The following VPS13C variants were observed in gnomAD, a reference collection of about 807,000 sequenced individuals.
VPS13C encodes vacuolar protein sorting 13 homolog C.
A neutral mutation model predicts 456.8 loss-of-function variants in VPS13C; 358 were observed. The ratio of observed to expected loss-of-function variants is 0.78; its 90% CI spans 0.72 to 0.86. The LOEUF (loss-of-function observed/expected upper bound fraction) is 0.86. Among genes scored for constraint, VPS13C ranks in the 40% least tolerant of loss-of-function variants. The probability of loss-of-function intolerance (pLI) is 0.00; values close to 1 mark genes in which losing one functional copy is unlikely to be tolerated. For synonymous variants in VPS13C, 1,578 were observed against 1,486.7 expected, an observed-to-expected ratio of 1.06 and a Z score of -1.41; for missense variants, 4,818 against 4,385.4, an observed-to-expected ratio of 1.10 and a Z score of -2.79.
chr15:61,917,595 G>T lies in VPS13C; in HGVS notation c.7801C>A (p.Gln2601Lys), dbSNP rs1235223080. 1.2e-6 allele frequency: 2 copies of T among 1,612,816 alleles called. No individual in the cohort carries two copies. Among genetic ancestry groups the T allele is most frequent in the African/African-American group, 2.7e-5 (2 of 74,900 alleles). The change falls in exon 60 of 85, where the codon CAG becomes AAG. Residue 2601 changes from glutamine to lysine, a missense_variant. Gln to Lys is a moderately conservative substitution (Grantham distance 53). Transcript: ENST00000644861. ...ATATAAGTGGTAGATTCTTTGTACT[G>T]ATGCTCTAAGATTCCAGCTGGCTGG... ...FIQPAGILEH[Q>K]YKESTTYISW...
In VPS13C at chr15:61,983,905, A is replaced by G. The variant is rs1346177179; in HGVS notation, c.1829T>C (p.Ile610Thr). The G allele has an allele frequency of 6.2e-7, 1 of 1,614,010 alleles. No homozygotes were observed. The highest frequency in any genetic ancestry group is 1.3e-5 in the African/African-American group (1 of 74,926). The change falls in exon 20 of 85, where the codon ATT becomes ACT. Residue 610 changes from isoleucine (I) to threonine (T), a missense_variant. Ile to Thr is a moderately conservative substitution (Grantham distance 89, BLOSUM62 -1). Coordinates refer to ENST00000644861, the MANE Select transcript of VPS13C (RefSeq NM_020821.3). ...IGDTTSSLLK[I>T]KFETNPEDSP... Reference sequence around the variant, plus strand: ...ATCCTCCGGATTGGTTTCAAATTTAATTTTAAGCAAGGATGATGTAGTGTC... The same window carrying G: ...ATCCTCCGGATTGGTTTCAAATTTAGTTTTAAGCAAGGATGATGTAGTGTC...
chr15:61,907,917 G>C (rs2043195554), intron 65 of VPS13C, among the ~76,000 whole-genome samples: 2 of 152,136 alleles, frequency 1.3e-5, no homozygotes, highest in South Asian at 4.1e-4. Context: ...ACTGTGACCA[G>C]CTAAGCTTTT....
chr15:61,985,814 T>G (rs534448326), intron 18 of VPS13C, among the ~76,000 whole-genome samples: 4 of 152,020 alleles, frequency 2.6e-5, no homozygotes, highest in Admixed American at 6.5e-5. Context: ...ATCCTGGAAT[T>G]TGGGGACCTG....
chr15:61,872,670 G>A (rs957420440), intron 78 of VPS13C, among the ~76,000 whole-genome samples: 1 of 152,040 alleles, frequency 6.6e-6, no homozygotes, highest in African/African-American at 2.4e-5. Flanking sequence ...CACACAGAAA[G>A]AGAACTGATG....
rs1352310332 is a variant in VPS13C at position 61,878,792 on chromosome 15, A to T, written c.10003-46T>A. On this transcript the variant is annotated intron_variant, in intron 73 of 84. Transcript: ENST00000644861. ...AATAAATGAAAGCTAAAAGTGAAAA[A>T]TTTACATATTTAGGATCCAGGTAGT... 6 of 1,547,266 alleles carry T rather than the reference A, an allele frequency of 3.9e-6. No individual in the cohort carries two copies. In the African/African-American group the frequency reaches 5.5e-5, roughly 14 times the overall value.
Position 62,010,570 on chromosome 15 carries a change from G to A in VPS13C, c.913C>T (p.Leu305Phe). 1 of 1,612,552 alleles carries A rather than the reference G, an allele frequency of 6.2e-7. No homozygotes were observed. Among genetic ancestry groups the A allele is most frequent in the Non-Finnish European group, 8.5e-7 (1 of 1,179,434 alleles). The change falls in exon 13 of 85, where the codon CTC becomes TTC. Residue 305 changes from leucine (L) to phenylalanine (F), a missense_variant. By Grantham distance (22) the Leu-to-Phe change is conservative (BLOSUM62 0). Transcript: ENST00000644861. Reference sequence around the variant, plus strand: ...GATTCTGCATAAGGATTCATGTAGAGTTTTGCAGAGGCTGATATTGGCTGG... The same window carrying A: ...GATTCTGCATAAGGATTCATGTAGAATTTTGCAGAGGCTGATATTGGCTGG... ...IFQPISASAK[L>F]YMNPYAESEL...
rs1428571438 is a variant in VPS13C, at chr15:61,941,815, G to A, written c.5401C>T (p.Pro1801Ser). 1.9e-6 allele frequency: 3 copies of A among 1,613,600 alleles called. No homozygotes were observed. The highest frequency in any genetic ancestry group is 1.7e-6 in the Non-Finnish European group (2 of 1,179,678). The change falls in exon 46 of 85, where the codon CCT becomes TCT. Residue 1801 changes from proline (P) to serine (S), a missense_variant. This residue lies in a region of VPS13C where 4,552 missense variants were observed against 4,130.6 expected (regional missense o/e 1.10). Transcript: ENST00000644861. The part of the protein sequence containing the change: ...SLVPMEHYSL[P>S]PVIDKMNIEL... ...ATGTTCATTTTATCAATGACTGGAGGAAGAGAATAATGTTCCATAGGAACC... is the reference window on the plus strand; with the variant it reads ...ATGTTCATTTTATCAATGACTGGAGAAAGAGAATAATGTTCCATAGGAACC...
chr15:62,025,330 T>C (rs1005182725), intron 6 of VPS13C, among the ~76,000 whole-genome samples: 8 of 152,082 alleles, frequency 5.3e-5, no homozygotes, highest in African/African-American at 1.7e-4. Flanking sequence ...AAGTAAACAT[T>C]TAATAAGTAA....
At chr15:61,977,334 T>A (rs2045734648) in intron 23 of VPS13C, 135 bp from the exon 24 acceptor site, 1 of 558,766 alleles carries the variant, frequency 1.8e-6, no homozygotes, top group African/African-American at 2.0e-5. Context: ...TAATCCAGAA[T>A]CAATGATTAC....
intron 49 of VPS13C, among the ~76,000 whole-genome samples, chr15:61,932,427 C>T (rs149347632): frequency 6.6e-6 from 1 of 152,008 alleles, no homozygotes; most frequent in Non-Finnish European, 1.5e-5. Context: ...GTCTCAAATC[C>T]CAAACTAAAT....
intron 22 of VPS13C, among the ~76,000 whole-genome samples, chr15:61,980,866 A>G (rs1180326885): frequency 4.6e-5 from 7 of 152,100 alleles, no homozygotes; most frequent in Non-Finnish European, 7.4e-5. Context: ...CAAACTTCAA[A>G]GTCCCCTCAT....
At position 61,947,286 on chromosome 15, in the gene VPS13C, C is replaced by T. The variant is rs2044637906; in HGVS notation, c.4783G>A (p.Asp1595Asn). The T allele has an allele frequency of 3.7e-6, 6 of 1,608,308 alleles. No homozygotes were observed. The Admixed American group carries it at 1.0e-4, about 27-fold the overall frequency. The change falls in exon 43 of 85, where the codon GAT (aspartate) becomes AAT (asparagine). Residue 1595 changes from aspartate to asparagine, a missense_variant. Coordinates refer to ENST00000644861, the MANE Select transcript of VPS13C (RefSeq NM_020821.3). ...KAVSSNISQK[D>N]VFDLKITAEL... ...GCTGTGATCTTTAAATCAAACACAT[C>T]CTTTTGGGAAATGTTGCTGGATACT...
At chr15:61,947,528 C>T (rs1479842285) in intron 42 of VPS13C, among the ~76,000 whole-genome samples, 2 of 151,950 alleles carry the variant, frequency 1.3e-5, no homozygotes, top group Non-Finnish European at 2.9e-5. Flanking sequence ...ATAAAAGCAA[C>T]TATAATATTA....
At chr15:61,988,079 C>CAA (rs2046112734) in intron 18 of VPS13C, among the ~76,000 whole-genome samples, 2 of 152,112 alleles carry the variant, frequency 1.3e-5, no homozygotes, top group Admixed American at 6.5e-5. Flanking sequence ...ACATACTCAA[C>CAA]ATGGATGAAT....
rs142580015 is a variant in VPS13C at position 61,952,174 on chromosome 15, G to A, written c.4300-194C>T. ...CTGATGGACAGCCTTTCTTCTGAAA[G>A]TCTGTAAGACCAACAGCCAATTTTT... On this transcript the variant is annotated intron_variant, in intron 38 of 84. Coordinates refer to ENST00000644861, the MANE Select transcript of VPS13C (RefSeq NM_020821.3). Among the ~76,000 whole-genome samples the A allele has an allele frequency of 7.9e-5, 12 of 152,280 alleles. No homozygotes were observed. In the East Asian group the frequency reaches 2.3e-3, roughly 29 times the overall value.
rs758906042 is a variant in VPS13C, at chr15:61,920,456, T to C, written c.7212+42A>G. Reference sequence around the variant, plus strand: ...GACAAAAAAATTATATGTTTCATTTTAAAATTCCACTTGAAATATTCTAAG... The same window carrying C: ...GACAAAAAAATTATATGTTTCATTTCAAAATTCCACTTGAAATATTCTAAG... On this transcript the variant is annotated intron_variant, in intron 56 of 84. Coordinates refer to ENST00000644861, the MANE Select transcript of VPS13C (RefSeq NM_020821.3). 6.0e-6 allele frequency: 9 copies of C among 1,494,918 alleles called. No individual in the cohort carries two copies. The East Asian group carries it at 6.9e-5, about 11-fold the overall frequency. The allele number at this position is 1,494,918 out of a possible 1,614,324, so 92.6% of individuals were successfully genotyped here. A position where few individuals can be genotyped will look rare whatever the true frequency, so the allele number is the denominator to read the frequency against.
chr15:61,974,487 T>C (rs919602347), intron 24 of VPS13C, 70 bp from the exon 25 acceptor site: 2 of 1,521,508 alleles, frequency 1.3e-6, no homozygotes, highest in Non-Finnish European at 1.8e-6. Context: ...ATTGCATTAA[T>C]GTAATTAGAT....
At chr15:61,921,918 T>C in intron 55 of VPS13C, 29 bp downstream of exon 55, 1 of 1,591,390 alleles carries the variant, frequency 6.3e-7, no homozygotes. Flanking sequence ...AGTATCATTC[T>C]ATCCAAAGAT....
intron 38 of VPS13C, 77 bp downstream of exon 38, chr15:61,954,343 CT>C (rs1307986398): frequency 3.4e-6 from 5 of 1,475,274 alleles, no homozygotes; most frequent in Non-Finnish European, 4.6e-6. Context: ...TATCAATTAT[CT>C]GTAAGTTTAG....
Sources: allele counts gnomAD v4.1 joint callset (sites outside exome capture counted in the v4.1 genomes callset), GRCh38; gene constraint gnomAD v4.1.1; regional missense constraint gnomAD v4.1.1; transcripts MANE v1.5; gene names NCBI Gene and HGNC (gene_info 2026-07-23, HGNC 2026-07-21).